The following SORCS1 variants were observed in gnomAD, a reference collection of about 807,000 sequenced individuals.
The protein encoded by SORCS1 is sortilin related VPS10 domain containing receptor 1.
In SORCS1, 60 loss-of-function variants were observed where a neutral mutation model predicts 146.1. The ratio of observed to expected loss-of-function variants is 0.41; its 90% CI spans 0.33 to 0.51. The LOEUF is 0.51. Among genes scored for constraint, SORCS1 ranks in the 20% least tolerant of loss-of-function variants. SORCS1 has a pLI of 0.21. For synonymous variants in SORCS1, 637 were observed against 584.0 expected (o/e 1.09, Z -1.31); for missense variants, 1,352 against 1,487.6 (o/e 0.91, Z 1.50).
chr10:106,675,620 C>T (rs570639587), intron 13 of SORCS1, among the ~76,000 whole-genome samples: 1 of 152,238 alleles, frequency 6.6e-6, no homozygotes, highest in Non-Finnish European at 1.5e-5. Flanking sequence ...TCCTGGTTGA[C>T]CTTACTGAAT....
At chr10:106,655,822 G>C (rs1850240097) in intron 17 of SORCS1, among the ~76,000 whole-genome samples, 1 of 152,122 alleles carries the variant, frequency 6.6e-6, no homozygotes, top group Middle Eastern at 3.2e-3. Flanking sequence ...CCTGCTTTTT[G>C]CATTACAGAA....
At chr10:106,648,458 T>C (rs1432791936) in intron 18 of SORCS1, among the ~76,000 whole-genome samples, 1 of 152,236 alleles carries the variant, frequency 6.6e-6, no homozygotes, top group Non-Finnish European at 1.5e-5. Context: ...ATTATTCTGA[T>C]GTATTTTAAT....
intron 18 of SORCS1, among the ~76,000 whole-genome samples, chr10:106,632,443 C>A (rs940626032): frequency 6.6e-6 from 1 of 152,134 alleles, no homozygotes; most frequent in East Asian, 1.9e-4. Flanking sequence ...GCTCAAATGA[C>A]CACTGGAAGC....
chr10:107,090,148 T>C (rs531956366), intron 1 of SORCS1, among the ~76,000 whole-genome samples: 1 of 152,292 alleles, frequency 6.6e-6, no homozygotes, highest in African/African-American at 2.4e-5. Flanking sequence ...CTTAATCTCT[T>C]CCCACTCATT....
chr10:106,979,286 G>T (rs1000195962), intron 1 of SORCS1, among the ~76,000 whole-genome samples: 1 of 152,096 alleles, frequency 6.6e-6, no homozygotes, highest in Admixed American at 6.6e-5. Context: ...AACTTCCTTA[G>T]GAAGTTTGTA....
At chr10:107,022,299 G>A (rs1564936495) in intron 1 of SORCS1, among the ~76,000 whole-genome samples, 2 of 152,114 alleles carry the variant, frequency 1.3e-5, no homozygotes, top group African/African-American at 2.4e-5. Context: ...CACAAATGAC[G>A]ACACACACTG....
At chr10:106,993,885 C>G (rs1439925064) in intron 1 of SORCS1, among the ~76,000 whole-genome samples, 1 of 151,774 alleles carries the variant, frequency 6.6e-6, no homozygotes. Flanking sequence ...CCGGCCTGGG[C>G]AACATGGTGA....
At chr10:106,857,488 TTTTG>T in intron 2 of SORCS1, among the ~76,000 whole-genome samples, 2 of 152,328 alleles carry the variant, frequency 1.3e-5, no homozygotes, top group South Asian at 4.1e-4. Flanking sequence ...AGCGTCTGTG[TTTTG>T]TTTCTTTCTT....
At chr10:107,001,208 T>C (rs1174064536) in intron 1 of SORCS1, among the ~76,000 whole-genome samples, 1 of 152,146 alleles carries the variant, frequency 6.6e-6, no homozygotes, top group Non-Finnish European at 1.5e-5. Flanking sequence ...GAATTTAAGA[T>C]GTGTGACAGG....
chr10:106,942,732 A>G (rs1954108765), intron 2 of SORCS1, among the ~76,000 whole-genome samples: 1 of 152,030 alleles, frequency 6.6e-6, no homozygotes, highest in Non-Finnish European at 1.5e-5. Flanking sequence ...GCCCTCCCTG[A>G]TCTACTACGA....
intron 19 of SORCS1, 103 bp from the exon 20 acceptor site, chr10:106,620,664 A>C (rs1589493586): frequency 1.8e-5 from 25 of 1,394,678 alleles, no homozygotes; most frequent in Non-Finnish European, 1.9e-6. Context: ...AGCCCCCAAA[A>C]CCTGGCTGCC....
At chr10:107,046,853 G>C (rs548753695) in intron 1 of SORCS1, among the ~76,000 whole-genome samples, 28 of 152,294 alleles carry the variant, frequency 1.8e-4, no homozygotes, top group Non-Finnish European at 3.5e-4. Context: ...AGGTATGAAA[G>C]AGCATAAAGC....
At chr10:106,857,439 G>A (rs1336228756) in intron 2 of SORCS1, among the ~76,000 whole-genome samples, 1 of 152,240 alleles carries the variant, frequency 6.6e-6, no homozygotes, top group East Asian at 1.9e-4. Context: ...AAGATGTCCT[G>A]AAAGCGGAAC....
intron 2 of SORCS1, among the ~76,000 whole-genome samples, chr10:106,904,777 C>T (rs550046276): frequency 6.6e-6 from 1 of 152,282 alleles, no homozygotes; most frequent in South Asian, 2.1e-4. Flanking sequence ...GATATTCCAT[C>T]TAGACTAAGA....
At chr10:106,696,683 G>T (rs1389213542) in intron 9 of SORCS1, among the ~76,000 whole-genome samples, 2 of 152,196 alleles carry the variant, frequency 1.3e-5, no homozygotes, top group African/African-American at 4.8e-5. Context: ...CATGTCCAGA[G>T]GTCGCCTTGT....
At chr10:106,870,280 C>A (rs1950358384) in intron 2 of SORCS1, among the ~76,000 whole-genome samples, 1 of 152,186 alleles carries the variant, frequency 6.6e-6, no homozygotes, top group Non-Finnish European at 1.5e-5. Context: ...AAGCAACCTA[C>A]AGATTCAATG....
At chr10:106,635,017 T>G (rs1222510555) in intron 18 of SORCS1, among the ~76,000 whole-genome samples, 1 of 152,170 alleles carries the variant, frequency 6.6e-6, no homozygotes, top group Non-Finnish European at 1.5e-5. Flanking sequence ...AAAACCCACA[T>G]GAAATCCACG....
intron 1 of SORCS1, among the ~76,000 whole-genome samples, chr10:106,983,776 T>C (rs1303791695): frequency 3.9e-5 from 6 of 152,238 alleles, no homozygotes; most frequent in African/African-American, 1.4e-4. Flanking sequence ...AAACACTAAA[T>C]TGAAGAACTT....
intron 5 of SORCS1, among the ~76,000 whole-genome samples, chr10:106,748,601 A>C (rs759848122): frequency 7.0e-6 from 1 of 143,684 alleles, no homozygotes; most frequent in South Asian, 2.3e-4. Context: ...CCTGTAGTTT[A>C]ATTGGCAGCA....
Sources: allele counts gnomAD v4.1 joint callset (sites outside exome capture counted in the v4.1 genomes callset), GRCh38; gene constraint gnomAD v4.1.1; transcripts MANE v1.5; gene names NCBI Gene and HGNC (gene_info 2026-07-23, HGNC 2026-07-21).